The following DMGDH variants were observed in gnomAD, a reference collection of about 807,000 sequenced individuals.
DMGDH encodes dimethylglycine dehydrogenase.
DMGDH carries 76 observed loss-of-function variants against 95.2 expected under a neutral mutation model. The observed-to-expected ratio is 0.80, with a 90% CI of 0.66 to 0.97. The LOEUF is 0.97. DMGDH is among the 50% of genes least tolerant of loss of function. The probability of loss-of-function intolerance (pLI) is 0.00; values close to 1 mark genes in which losing one functional copy is unlikely to be tolerated. For missense variants in DMGDH, 987 were observed against 1,055.0 expected, an observed-to-expected ratio of 0.94 and a Z score of 0.89; for synonymous variants, 345 against 377.6, an observed-to-expected ratio of 0.91 and a Z score of 1.00.
intron 2 of DMGDH, among the ~76,000 whole-genome samples, chr5:79,060,323 T>C (rs1027717735): frequency 6.6e-6 from 1 of 152,156 alleles, no homozygotes; most frequent in Non-Finnish European, 1.5e-5. Flanking sequence ...TCTTACTCCA[T>C]CCTCTCTTGT....
At chr5:79,009,638 G>A (rs1753611996) in intron 14 of DMGDH, among the ~76,000 whole-genome samples, 1 of 152,026 alleles carries the variant, frequency 6.6e-6, no homozygotes, top group African/African-American at 2.4e-5. Context: ...GGGATTACAG[G>A]TTTACAGGTG....
At chr5:79,009,362 TTTC>T (rs1374861218) in intron 14 of DMGDH, among the ~76,000 whole-genome samples, 1 of 80,070 alleles carries the variant, frequency 1.2e-5, no homozygotes, top group African/African-American at 5.1e-5. Context: ...TTTCTTTTCT[TTTC>T]TTTTTTTTTT....
intron 11 of DMGDH, among the ~76,000 whole-genome samples, chr5:79,029,257 A>T (rs1190896283): frequency 6.6e-6 from 1 of 152,234 alleles, no homozygotes. Flanking sequence ...TGGTCCCAGT[A>T]CATCTTGGAT....
chr5:79,023,558 AGATTCT>A (rs1412802296), intron 14 of DMGDH, among the ~76,000 whole-genome samples: 1 of 152,168 alleles, frequency 6.6e-6, no homozygotes, highest in African/African-American at 2.4e-5. Flanking sequence ...TGACTCCCAG[AGATTCT>A]GATTTAGTAG....
Position 79,063,678 on chromosome 5 carries a change from C to T in DMGDH, c.211G>A (p.Ala71Thr). Residue 71 changes from alanine to threonine, a missense_variant, in exon 2 of 16, where the codon GCA becomes ACA. Coordinates refer to ENST00000255189, the MANE Select transcript of DMGDH (RefSeq NM_013391.3). ...AGCAGGACCACATCTTTCATCCCTG[C>T]TTTGGCCAGGTGATAAGCCAGACTC... ...GVSLAYHLAK[A>T]GMKDVVLLEK... 2 of 1,614,216 alleles carry T rather than the reference C, an allele frequency of 1.2e-6. No homozygotes were observed. Among genetic ancestry groups the T allele is most frequent in the Non-Finnish European group, 1.7e-6 (2 of 1,180,034 alleles).
At chr5:79,001,258 G>C (rs1580179655) in intron 15 of DMGDH, 1 of 275,282 alleles carries the variant, frequency 3.6e-6, no homozygotes, top group Non-Finnish European at 6.8e-6. Context: ...TGCCTTCCAG[G>C]TTCAAGCTAT....
intron 15 of DMGDH, 110 bp downstream of exon 15, chr5:79,005,163 C>T (rs768026473): frequency 7.0e-7 from 1 of 1,431,392 alleles, no homozygotes. Flanking sequence ...AGCGTGTCAT[C>T]CCTCCAACAA....
intron 3 of DMGDH, among the ~76,000 whole-genome samples, chr5:79,055,439 A>G (rs1036114425): frequency 3.9e-5 from 6 of 152,234 alleles, no homozygotes; most frequent in Admixed American, 3.9e-4. Flanking sequence ...CTCTTAATGA[A>G]GTACTGTTCA....
intron 7 of DMGDH, among the ~76,000 whole-genome samples, chr5:79,038,729 C>T (rs1366049354): frequency 1.3e-5 from 2 of 152,088 alleles, no homozygotes; most frequent in East Asian, 3.9e-4. Context: ...GAGAGCAGTC[C>T]TAGGTAGCTT....
intron 2 of DMGDH, among the ~76,000 whole-genome samples, chr5:79,060,208 C>A (rs145035553): frequency 5.7e-4 from 87 of 152,310 alleles, no homozygotes; most frequent in African/African-American, 2.0e-3. Context: ...CTCCTACACC[C>A]CAAATGGATC....
intron 5 of DMGDH, among the ~76,000 whole-genome samples, chr5:79,048,073 C>T (rs562251889): frequency 3.9e-5 from 6 of 152,256 alleles, no homozygotes; most frequent in African/African-American, 1.4e-4. Flanking sequence ...GCTATCATAA[C>T]CTGATGCTAG....
intron 5 of DMGDH, among the ~76,000 whole-genome samples, chr5:79,048,784 C>T (rs1220499479): frequency 6.6e-6 from 1 of 151,932 alleles, no homozygotes; most frequent in East Asian, 1.9e-4. Context: ...CACACACACA[C>T]ACACACCCCT....
intron 14 of DMGDH, among the ~76,000 whole-genome samples, chr5:79,006,467 C>A (rs547623158): frequency 6.6e-6 from 1 of 152,136 alleles, no homozygotes; most frequent in African/African-American, 2.4e-5. Flanking sequence ...GGCTGACATC[C>A]GTGGGAGGTT....
chr5:79,067,639 C>T (rs1056200762), intron 1 of DMGDH, among the ~76,000 whole-genome samples: 2 of 152,162 alleles, frequency 1.3e-5, no homozygotes, highest in African/African-American at 4.8e-5. Context: ...AGTATTTCCT[C>T]GGCCCAGCAT....
At position 79,033,263 on chromosome 5, in the gene DMGDH, C is replaced by T; in HGVS notation, c.1339G>A (p.Glu447Lys). Residue 447 changes from glutamate to lysine, a missense_variant, in exon 8 of 16, where the codon GAA becomes AAA. Transcript: ENST00000255189. ...TTQYTEAKAR[E>K]SYGFNNIVGY... Reference sequence around the variant, plus strand: ...CCAATATTGTTGAATCCATATGATTCTCTTGCTTTGGCCTCAGTGTACTGG... The same window carrying T: ...CCAATATTGTTGAATCCATATGATTTTCTTGCTTTGGCCTCAGTGTACTGG... The T allele has an allele frequency of 6.2e-7, 1 of 1,614,152 alleles. No individual in the cohort carries two copies. Among genetic ancestry groups the T allele is most frequent in the African/African-American group, 1.3e-5 (1 of 75,032 alleles).
intron 14 of DMGDH, among the ~76,000 whole-genome samples, chr5:79,020,019 G>A (rs1753827261): frequency 6.6e-6 from 1 of 152,220 alleles, no homozygotes; most frequent in African/African-American, 2.4e-5. Context: ...AGGTGACAGT[G>A]ATGCTGCTGG....
At chr5:79,030,461 A>G (rs1234203887) in intron 10 of DMGDH, 1 of 265,522 alleles carries the variant, frequency 3.8e-6, no homozygotes, top group African/African-American at 2.3e-5. Flanking sequence ...AGACCAACAT[A>G]TAGTGAAACC....
At chr5:79,034,402 T>C (rs1247498374) in intron 7 of DMGDH, among the ~76,000 whole-genome samples, 2 of 152,158 alleles carry the variant, frequency 1.3e-5, no homozygotes, top group South Asian at 2.1e-4. Context: ...AAGAACACGA[T>C]GCGGAAAATA....
chr5:79,025,503 A>G (rs1753975041), intron 13 of DMGDH, among the ~76,000 whole-genome samples: 1 of 152,126 alleles, frequency 6.6e-6, no homozygotes, highest in Non-Finnish European at 1.5e-5. Flanking sequence ...CTTCAATCAA[A>G]TGCACTTTAT....
Sources: allele counts gnomAD v4.1 joint callset (sites outside exome capture counted in the v4.1 genomes callset), GRCh38; gene constraint gnomAD v4.1.1; transcripts MANE v1.5; gene names NCBI Gene and HGNC (gene_info 2026-07-23, HGNC 2026-07-21).